Variants in RIN3 observed in about 807,000 individuals in gnomAD.
RIN3 encodes Ras and Rab interactor 3.
A neutral mutation model predicts 76.3 loss-of-function variants in RIN3; 54 were observed. That is an observed-to-expected ratio of 0.71 (90% CI 0.57 to 0.89). The LOEUF (loss-of-function observed/expected upper bound fraction) is 0.89, where lower values mean the gene tolerates loss of function less well. Ranked by LOEUF, RIN3 falls within the 40% of genes least tolerant of loss-of-function variation. The pLI is 0.00. For synonymous variants in RIN3, 576 were observed against 564.0 expected, an observed-to-expected ratio of 1.02 and a Z score of -0.30; for missense variants, 1,256 against 1,322.1, an observed-to-expected ratio of 0.95 and a Z score of 0.78.
At chr14:92,555,537 G>A (rs1454607979) in intron 1 of RIN3, among the ~76,000 whole-genome samples, 10 of 152,110 alleles carry the variant, frequency 6.6e-5, no homozygotes, top group African/African-American at 9.7e-5. Flanking sequence ...ACAACATCTC[G>A]GAGCCTCACA....
intron 1 of RIN3, among the ~76,000 whole-genome samples, chr14:92,527,374 C>A (rs1363652515): frequency 6.6e-6 from 1 of 152,022 alleles, no homozygotes; most frequent in East Asian, 1.9e-4. Flanking sequence ...CTTATAAGGA[C>A]ATCAGTCGCT....
Position 92,627,209 on chromosome 14 carries a change from C to T in RIN3, c.440+11730C>T, listed in dbSNP as rs150337022. Among the ~76,000 whole-genome samples, 11 of 152,258 alleles carry T rather than the reference C, an allele frequency of 7.2e-5. No homozygotes were observed. In the East Asian group the frequency reaches 1.7e-3, roughly 24 times the overall value. Reference sequence around the variant, plus strand: ...GATGCCCCCTTGACTGTGTGTGTGGCCCAATCTCTCTTACTAGAGTTCTCT... The same window carrying T: ...GATGCCCCCTTGACTGTGTGTGTGGTCCAATCTCTCTTACTAGAGTTCTCT... On this transcript the variant is annotated intron_variant, in intron 4 of 9. Coordinates refer to ENST00000216487, the MANE Select transcript of RIN3 (RefSeq NM_024832.5).
intron 3 of RIN3, among the ~76,000 whole-genome samples, chr14:92,597,971 A>G (rs1885211206): frequency 1.3e-5 from 2 of 152,226 alleles, no homozygotes; most frequent in South Asian, 4.1e-4. Flanking sequence ...ACAGTGTGGC[A>G]GAATAAAGAT....
intron 8 of RIN3, among the ~76,000 whole-genome samples, chr14:92,676,911 G>A (rs1025205177): frequency 4.6e-5 from 7 of 152,240 alleles, no homozygotes; most frequent in Non-Finnish European, 8.8e-5. Flanking sequence ...TCCTGGAGGA[G>A]GTGACATCTG....
chr14:92,597,668 C>A (rs1284174289), intron 3 of RIN3, among the ~76,000 whole-genome samples: 1 of 152,076 alleles, frequency 6.6e-6, no homozygotes, highest in African/African-American at 2.4e-5. Context: ...TAGTTCTGTT[C>A]TCTCTCCTGG....
chr14:92,673,806 G>A (rs562261183), intron 7 of RIN3, among the ~76,000 whole-genome samples: 8 of 152,168 alleles, frequency 5.3e-5, no homozygotes, highest in Admixed American at 1.3e-4. Flanking sequence ...GCGCCCGGCC[G>A]CCACATCTTC....
At chr14:92,626,131 C>T (rs1886343950) in intron 4 of RIN3, among the ~76,000 whole-genome samples, 1 of 152,188 alleles carries the variant, frequency 6.6e-6, no homozygotes, top group South Asian at 2.1e-4. Context: ...GGCACTGACT[C>T]CCGAATTCCT....
chr14:92,577,906 C>T (rs989542361), intron 3 of RIN3, among the ~76,000 whole-genome samples: 30 of 152,314 alleles, frequency 2.0e-4, no homozygotes, highest in African/African-American at 7.0e-4. Context: ...ATAATAGTCA[C>T]AGAGCTTTTG....
intron 3 of RIN3, among the ~76,000 whole-genome samples, chr14:92,596,349 C>T (rs985405647): frequency 6.6e-6 from 1 of 152,200 alleles, no homozygotes; most frequent in Non-Finnish European, 1.5e-5. Context: ...GACATTGGCC[C>T]GTCTGTCTTC....
At chr14:92,567,698 C>T (rs941702043) in intron 2 of RIN3, among the ~76,000 whole-genome samples, 29 of 151,040 alleles carry the variant, frequency 1.9e-4, no homozygotes, top group African/African-American at 7.1e-4. Flanking sequence ...AAATAGACTC[C>T]ATCTCTTGAT....
At position 92,578,576 on chromosome 14, in the gene RIN3, T is replaced by C. The variant is rs139731240; in HGVS notation, c.367+1099T>C. On this transcript the variant is annotated intron_variant, in intron 3 of 9. Coordinates refer to ENST00000216487, the MANE Select transcript of RIN3 (RefSeq NM_024832.5). ...ACAGGAGATGGAGTTTTATTATTACTCAAATCAGCCTCCCTGAAAATTTGG... is the reference window on the plus strand; with the variant it reads ...ACAGGAGATGGAGTTTTATTATTACCCAAATCAGCCTCCCTGAAAATTTGG... Among the ~76,000 whole-genome samples the C allele has an allele frequency of 4.3e-3, 660 of 152,318 alleles. 2 individuals carry two copies. The highest frequency in any genetic ancestry group is 0.015 in the African/African-American group (634 of 41,548).
intron 4 of RIN3, among the ~76,000 whole-genome samples, chr14:92,638,064 C>A (rs1886839161): frequency 6.6e-6 from 1 of 152,164 alleles, no homozygotes; most frequent in East Asian, 1.9e-4. Flanking sequence ...AGCAAACACC[C>A]ACGTCCTGTG....
rs958549753 is a variant in RIN3 at position 92,648,761 on chromosome 14, A to G, written c.533-2821A>G. Among the ~76,000 whole-genome samples the G allele has an allele frequency of 6.6e-6, 1 of 152,212 alleles. No individual in the cohort carries two copies. Among genetic ancestry groups the G allele is most frequent in the Non-Finnish European group, 1.5e-5 (1 of 68,032 alleles). On this transcript the variant is annotated intron_variant, in intron 5 of 9. Transcript: ENST00000216487. This position sits in a 1 kb window ranked among gnomAD's most constrained non-coding sequence, Gnocchi z 4.1. ...AAAACAGAGAATTACAGTCCCAGTG[A>G]TGGTCACTGCTGTCACAGGCATATC...
At chr14:92,567,227 A>G (rs1458803343) in intron 2 of RIN3, among the ~76,000 whole-genome samples, 1 of 152,222 alleles carries the variant, frequency 6.6e-6, no homozygotes, top group Non-Finnish European at 1.5e-5. Flanking sequence ...GGGATACCCA[A>G]AGGTGGAGGC....
chr14:92,676,004 G>A (rs945554889), intron 7 of RIN3, among the ~76,000 whole-genome samples: 1 of 152,168 alleles, frequency 6.6e-6, no homozygotes, highest in Non-Finnish European at 1.5e-5. Flanking sequence ...AAAGGAAGAA[G>A]GCTGAATGGT....
chr14:92,587,886 C>T (rs1425969004), intron 3 of RIN3, among the ~76,000 whole-genome samples: 1 of 152,062 alleles, frequency 6.6e-6, no homozygotes, highest in Non-Finnish European at 1.5e-5. Flanking sequence ...AAATTTATTT[C>T]TCACAATTTG....
At chr14:92,654,327 GAAAAGA>G (rs1439489778) in intron 6 of RIN3, among the ~76,000 whole-genome samples, 2 of 110,982 alleles carry the variant, frequency 1.8e-5, no homozygotes, top group East Asian at 2.2e-4. Context: ...AAAAAAAAAA[GAAAAGA>G]AAAGAAAAAA....
chr14:92,537,160 A>C lies in RIN3; in HGVS notation c.45-18591A>C, dbSNP rs192493183. Among the ~76,000 whole-genome samples the C allele has an allele frequency of 8.1e-4, 123 of 152,260 alleles. 1 individual carries two copies. In the Middle Eastern group the frequency reaches 0.027, roughly 34 times the overall value. The stretch of plus-strand genomic sequence containing the variant: ...ACAAATAATTATTCTTTTTCTTTCC[A>C]ACAAGGGAGTACAGTATACATACTG... On this transcript the variant is annotated intron_variant, in intron 1 of 9. Transcript: ENST00000216487.
At chr14:92,567,609 T>G (rs950015496) in intron 2 of RIN3, among the ~76,000 whole-genome samples, 1 of 144,230 alleles carries the variant, frequency 6.9e-6, no homozygotes, top group Admixed American at 7.3e-5. Flanking sequence ...AACTCCACAG[T>G]GTCTCTTCTG....
Sources: allele counts gnomAD v4.1 joint callset (sites outside exome capture counted in the v4.1 genomes callset), GRCh38; gene constraint gnomAD v4.1.1; non-coding constraint Gnocchi (gnomAD v3.1); transcripts MANE v1.5; gene names NCBI Gene and HGNC (gene_info 2026-07-23, HGNC 2026-07-21).